ATP2B2: variants seen among roughly 807,000 people sequenced by gnomAD.
The protein encoded by ATP2B2 is plasma membrane calcium-transporting ATPase 2.
A neutral mutation model predicts 120.0 loss-of-function variants in ATP2B2; 15 were observed. That is an observed-to-expected ratio of 0.12 (90% CI 0.08 to 0.19). The LOEUF is 0.19. Ranked by LOEUF, ATP2B2 falls within the 10% of genes least tolerant of loss-of-function variation. The pLI is 1.00. For synonymous variants in ATP2B2, 694 were observed against 700.3 expected, an observed-to-expected ratio of 0.99 and a Z score of 0.14; for missense variants, 1,045 against 1,719.8, an observed-to-expected ratio of 0.61 and a Z score of 6.94.
chr3:10,699,010 T>A (rs530627054), intron 1 of ATP2B2, among the ~76,000 whole-genome samples: 11 of 152,312 alleles, frequency 7.2e-5, no homozygotes, highest in African/African-American at 2.6e-4. Context: ...CAGCTCCTAT[T>A]TCCTCCTCCC....
Position 10,665,048 on chromosome 3 carries a change from C to T in ATP2B2, c.-460+42867G>A, listed in dbSNP as rs866426878. On this transcript the variant is annotated intron_variant, in intron 1 of 21. Transcript: ENST00000646379. ...TCTCCAGCCTAGGCAACCATGGTGG[C>T]TCCCTGTTGGGCTTCCTGTCCACCC... Among the ~76,000 whole-genome samples the T allele has an allele frequency of 7.9e-5, 12 of 152,328 alleles. No homozygotes were observed. The South Asian group carries it at 8.3e-4, about 11-fold the overall frequency.
chr3:10,526,073 G>A (rs1263915186), intron 3 of ATP2B2, among the ~76,000 whole-genome samples: 3 of 152,202 alleles, frequency 2.0e-5, no homozygotes, highest in Non-Finnish European at 4.4e-5. Flanking sequence ...CACAGTAAGT[G>A]TTCAATAAAT....
intron 5 of ATP2B2, among the ~76,000 whole-genome samples, chr3:10,391,846 C>T (rs1329158742): frequency 1.3e-5 from 2 of 152,200 alleles, no homozygotes; most frequent in Non-Finnish European, 2.9e-5. Context: ...TGGATGAGAC[C>T]TCTGCCTTCT....
At chr3:10,469,856 G>T (rs1254601082) in intron 1 of ATP2B2, among the ~76,000 whole-genome samples, 1 of 152,160 alleles carries the variant, frequency 6.6e-6, no homozygotes, top group Non-Finnish European at 1.5e-5. Flanking sequence ...TGGGGAGAGG[G>T]CTGCTGATGG....
In ATP2B2 at chr3:10,659,826, A is replaced by T. The variant is rs926429973; in HGVS notation, c.-459-39865T>A. On this transcript the variant is annotated intron_variant, in intron 1 of 21. Transcript: ENST00000646379. ...AGCACCACATCGCACTTATTCCAAA[A>T]TTGATCACATAGTTGGAAGTAAAGC... Among the ~76,000 whole-genome samples the T allele has an allele frequency of 6.6e-5, 10 of 152,344 alleles. No homozygotes were observed. In the East Asian group the frequency reaches 7.7e-4, roughly 12 times the overall value.
At chr3:10,556,994 C>CT (rs2067794780) in intron 2 of ATP2B2, among the ~76,000 whole-genome samples, 1 of 152,146 alleles carries the variant, frequency 6.6e-6, no homozygotes, top group Non-Finnish European at 1.5e-5. Flanking sequence ...TCAGTTCATG[C>CT]TTTTTTTCTT....
intron 2 of ATP2B2, among the ~76,000 whole-genome samples, chr3:10,432,977 G>C (rs2063368044): frequency 6.6e-6 from 1 of 152,154 alleles, no homozygotes; most frequent in Admixed American, 6.5e-5. Context: ...ATGCAGACAG[G>C]CACCTCCACA....
intron 3 of ATP2B2, among the ~76,000 whole-genome samples, chr3:10,522,454 T>C (rs1398960139): frequency 6.6e-6 from 1 of 152,216 alleles, no homozygotes; most frequent in Non-Finnish European, 1.5e-5. Context: ...ATCATGCCTA[T>C]CTCCCTTCTA....
chr3:10,499,837 C>T (rs1464688846), intron 1 of ATP2B2, among the ~76,000 whole-genome samples: 1 of 152,132 alleles, frequency 6.6e-6, no homozygotes, highest in African/African-American at 2.4e-5. Flanking sequence ...CATCCCCCAG[C>T]CAGCTACAAA....
rs2060250621 is a variant in ATP2B2 at position 10,340,724 on chromosome 3, G to A, written c.2918-20C>T. On this transcript the variant is annotated intron_variant, in intron 19 of 22. Coordinates refer to ENST00000360273, the MANE Select transcript of ATP2B2 (RefSeq NM_001001331.4). This position sits in a 1 kb window ranked among gnomAD's most constrained non-coding sequence, Gnocchi z 5.0. ...TCTCGCCTGCCAAGTGAGAGAGTGG[G>A]GCTGGGCTGAAGGCAGTGGTGGGGG... 1.2e-6 allele frequency: 2 copies of A among 1,613,554 alleles called. No homozygotes were observed. The highest frequency in any genetic ancestry group is 1.3e-5 in the African/African-American group (1 of 74,916).
intron 3 of ATP2B2, 134 bp downstream of exon 3, chr3:10,410,484 T>G (rs1575149348): frequency 8.6e-7 from 1 of 1,163,772 alleles, no homozygotes; most frequent in Non-Finnish European, 1.2e-6. Flanking sequence ...TGGCTATGGG[T>G]GGGGCCCTGC....
chr3:10,473,635 A>G (rs1431263603), intron 1 of ATP2B2, among the ~76,000 whole-genome samples: 1 of 152,194 alleles, frequency 6.6e-6, no homozygotes, highest in African/African-American at 2.4e-5. Context: ...TGTCACACAA[A>G]AAAAGTGCTA....
At position 10,430,735 on chromosome 3, in the gene ATP2B2, G is replaced by C. The variant is rs192117571; in HGVS notation, c.199+18610C>G. ...CCCTACTTGGTTAGAACTTGGAGCT[G>C]TCAGCTGAGCGAGAGCCAAGTCCCA... On this transcript the variant is annotated intron_variant, in intron 2 of 22. Transcript: ENST00000360273. 3.3e-5 allele frequency among the ~76,000 whole-genome samples: 5 copies of C among 151,904 alleles called. No homozygotes were observed. In the East Asian group the frequency reaches 9.9e-4, roughly 30 times the overall value.
At chr3:10,508,255 T>TATAC (rs2066687349), upstream of ATP2B2, among the ~76,000 whole-genome samples, 1 of 152,174 alleles carries the variant, frequency 6.6e-6, no homozygotes, top group Non-Finnish European at 1.5e-5. Flanking sequence ...TCCTTGTGGG[T>TATAC]ATACCCCAGT....
chr3:10,633,769 C>G (rs1208232294), intron 1 of ATP2B2, among the ~76,000 whole-genome samples: 1 of 152,228 alleles, frequency 6.6e-6, no homozygotes, highest in Non-Finnish European at 1.5e-5. Context: ...GCACAAGATC[C>G]TCAGTCCAGT....
At chr3:10,630,945 C>T (rs1371417069) in intron 1 of ATP2B2, among the ~76,000 whole-genome samples, 8 of 152,102 alleles carry the variant, frequency 5.3e-5, no homozygotes, top group South Asian at 2.1e-4. Flanking sequence ...ACTACTTCCT[C>T]GGGTAGAGAA....
At chr3:10,476,387 A>G (rs1424666169) in intron 1 of ATP2B2, among the ~76,000 whole-genome samples, 1 of 152,242 alleles carries the variant, frequency 6.6e-6, no homozygotes, top group Non-Finnish European at 1.5e-5. Flanking sequence ...GCCTAGTAGG[A>G]CCAAGTCAAC....
Position 10,346,869 on chromosome 3 carries a change from A to C in ATP2B2, c.2405-732T>G, listed in dbSNP as rs2060446750. On this transcript the variant is annotated intron_variant, in intron 16 of 22. Transcript: ENST00000360273. The surrounding 1 kb of genome is among the most constrained non-coding windows in gnomAD (Gnocchi z 4.1). The stretch of plus-strand genomic sequence containing the variant: ...CATGGGTCTCTCATTCTGCACATTG[A>C]ATGTATCACCAAGGCCTGCCAATTC... Among the ~76,000 whole-genome samples, 1 of 152,030 alleles carries C rather than the reference A, an allele frequency of 6.6e-6. No individual in the cohort carries two copies. The highest frequency in any genetic ancestry group is 2.1e-4 in the South Asian group (1 of 4,812).
chr3:10,471,193 GTC>G (rs1384385646), intron 1 of ATP2B2, among the ~76,000 whole-genome samples: 1 of 152,230 alleles, frequency 6.6e-6, no homozygotes, highest in East Asian at 1.9e-4. Flanking sequence ...CCAGCACAGT[GTC>G]TCCAGCGCGC....
Sources: allele counts gnomAD v4.1 joint callset (sites outside exome capture counted in the v4.1 genomes callset), GRCh38; gene constraint gnomAD v4.1.1; non-coding constraint Gnocchi (gnomAD v3.1); transcripts MANE v1.5; gene names NCBI Gene and HGNC (gene_info 2026-07-23, HGNC 2026-07-21).